Variants in UNC13C observed in about 807,000 individuals in gnomAD.
UNC13C encodes protein unc-13 homolog C.
In UNC13C, 174 loss-of-function variants were observed where a neutral mutation model predicts 245.4. That is an observed-to-expected ratio of 0.71 (90% CI 0.63 to 0.80). UNC13C has a LOEUF of 0.80. Ranked by LOEUF, UNC13C falls within the 30% of genes least tolerant of loss-of-function variation. UNC13C has a pLI of 0.00. For missense variants in UNC13C, 2,829 were observed against 2,602.9 expected, an observed-to-expected ratio of 1.09 and a Z score of -1.89; for synonymous variants, 992 against 895.1, an observed-to-expected ratio of 1.11 and a Z score of -1.93.
chr15:54,104,326 T>A lies in UNC13C; in HGVS notation c.2984-38692T>A, dbSNP rs535737993. 7.2e-5 allele frequency among the ~76,000 whole-genome samples: 11 copies of A among 152,268 alleles called. No homozygotes were observed. In the South Asian group the frequency reaches 2.1e-3, roughly 29 times the overall value. ...AATAAGAAAACCACTTTTTCATCCTTTTTTTCCCTTGGAGAATATTCATGT... is the reference window on the plus strand; with the variant it reads ...AATAAGAAAACCACTTTTTCATCCTATTTTTCCCTTGGAGAATATTCATGT... On this transcript the variant is annotated intron_variant, in intron 2 of 32. Transcript: ENST00000260323.
At chr15:54,401,399 ACTC>A (rs1469351090) in intron 18 of UNC13C, among the ~76,000 whole-genome samples, 3 of 151,994 alleles carry the variant, frequency 2.0e-5, no homozygotes, top group East Asian at 1.9e-4. Flanking sequence ...CTGTGATTAA[ACTC>A]CTCCTACACA....
intron 4 of UNC13C, among the ~76,000 whole-genome samples, chr15:54,155,439 G>C (rs1567054636): frequency 6.6e-6 from 1 of 152,072 alleles, no homozygotes; most frequent in African/African-American, 2.4e-5. Context: ...TGGAAATGAG[G>C]CTCTGTTTTC....
At chr15:54,088,115 C>T (rs756475251) in intron 2 of UNC13C, among the ~76,000 whole-genome samples, 5 of 151,280 alleles carry the variant, frequency 3.3e-5, no homozygotes, top group South Asian at 2.1e-4. Context: ...AAAATTGCCT[C>T]CTATATTTTT....
chr15:54,322,796 G>A (rs943450925), intron 14 of UNC13C, among the ~76,000 whole-genome samples: 41 of 152,098 alleles, frequency 2.7e-4, no homozygotes, highest in African/African-American at 9.1e-4. Context: ...GTAAGAGTCA[G>A]AATTAAAAAT....
At chr15:54,448,422 G>T (rs1476931208) in intron 19 of UNC13C, among the ~76,000 whole-genome samples, 2 of 152,126 alleles carry the variant, frequency 1.3e-5, no homozygotes, top group African/African-American at 2.4e-5. Context: ...TCTCTTTGTA[G>T]GTCCCTAAGG....
At chr15:54,206,160 A>T (rs2034701274) in intron 4 of UNC13C, among the ~76,000 whole-genome samples, 1 of 152,056 alleles carries the variant, frequency 6.6e-6, no homozygotes, top group Non-Finnish European at 1.5e-5. Flanking sequence ...ACAAAAACTC[A>T]GAAATTACCT....
intron 17 of UNC13C, among the ~76,000 whole-genome samples, chr15:54,345,744 A>G (rs1191637953): frequency 6.6e-6 from 1 of 152,164 alleles, no homozygotes; most frequent in African/African-American, 2.4e-5. Context: ...TATCCTATTT[A>G]TAACTCTGGA....
Position 54,059,485 on chromosome 15 carries a change from A to G in UNC13C, c.2983+43599A>G, listed in dbSNP as rs557163735. On this transcript the variant is annotated intron_variant, in intron 2 of 32. Coordinates refer to ENST00000260323, the MANE Select transcript of UNC13C (RefSeq NM_001080534.3). Reference sequence around the variant, plus strand: ...AAAGAGGATACAAACAAATGGAAGAACATTCCATGCTCATGGGTAGGAAGA... The same window carrying G: ...AAAGAGGATACAAACAAATGGAAGAGCATTCCATGCTCATGGGTAGGAAGA... 3.9e-5 allele frequency among the ~76,000 whole-genome samples: 6 copies of G among 152,278 alleles called. No homozygotes were observed. In the South Asian group the frequency reaches 1.0e-3, roughly 26 times the overall value.
At chr15:54,190,949 TTG>T (rs1490590591) in intron 4 of UNC13C, among the ~76,000 whole-genome samples, 1 of 152,182 alleles carries the variant, frequency 6.6e-6, no homozygotes, top group Non-Finnish European at 1.5e-5. Context: ...CATCTCATTT[TTG>T]AGACATTATG....
intron 17 of UNC13C, among the ~76,000 whole-genome samples, chr15:54,356,326 A>G (rs1266646401): frequency 1.3e-5 from 2 of 152,124 alleles, no homozygotes; most frequent in African/African-American, 4.8e-5. Context: ...AAGGGGTTTT[A>G]TTAATTTTCA....
intron 2 of UNC13C, among the ~76,000 whole-genome samples, chr15:54,085,067 T>A (rs13380038): frequency 0.13 from 20,221 of 152,142 alleles, 1,438 homozygotes; most frequent in Middle Eastern, 0.21. Context: ...GACTTCTGAA[T>A]GTTAATTATG....
At chr15:53,839,297 A>T in the UNC13C span, among the ~76,000 whole-genome samples, 1 of 152,100 alleles carries the variant, frequency 6.6e-6, no homozygotes. Flanking sequence ...AACAAGATGA[A>T]CAGGATGAAA....
chr15:54,379,839 G>A (rs1200972361), intron 17 of UNC13C, among the ~76,000 whole-genome samples: 3 of 152,142 alleles, frequency 2.0e-5, no homozygotes. Flanking sequence ...TTTGGTATGG[G>A]TTTTAAAATT....
At chr15:54,380,822 A>G (rs978786339) in intron 17 of UNC13C, among the ~76,000 whole-genome samples, 18 of 151,966 alleles carry the variant, frequency 1.2e-4, no homozygotes, top group South Asian at 6.2e-4. Context: ...TTTCCTTGCT[A>G]TTGAGTTGTT....
At chr15:54,243,133 C>T (rs1249554838) in intron 7 of UNC13C, among the ~76,000 whole-genome samples, 1 of 150,388 alleles carries the variant, frequency 6.6e-6, no homozygotes, top group East Asian at 2.0e-4. Context: ...GCTCTCCCTC[C>T]TCCCACCCCC....
intron 19 of UNC13C, 64 bp from the exon 20 acceptor site, chr15:54,494,544 T>C (rs1893864773): frequency 1.5e-6 from 2 of 1,378,240 alleles, no homozygotes; most frequent in Non-Finnish European, 1.9e-6. Flanking sequence ...TAAAAATAGA[T>C]TGGAACATAG....
chr15:53,861,266 T>A, the UNC13C span, among the ~76,000 whole-genome samples: 1 of 152,158 alleles, frequency 6.6e-6, no homozygotes, highest in African/African-American at 2.4e-5. Flanking sequence ...TACTTGGGTA[T>A]AGTTATCTAA....
the UNC13C span, among the ~76,000 whole-genome samples, chr15:53,872,042 G>A: frequency 3.8e-4 from 58 of 152,296 alleles, no homozygotes; most frequent in African/African-American, 1.4e-3. Context: ...CTATTATGAT[G>A]TGTTGAAATG....
At chr15:54,324,650 C>CT (rs2038247078) in intron 14 of UNC13C, among the ~76,000 whole-genome samples, 2 of 150,132 alleles carry the variant, frequency 1.3e-5, no homozygotes, top group African/African-American at 4.9e-5. Flanking sequence ...GACCCTGTCT[C>CT]TAAAAAAAAA....
Sources: allele counts gnomAD v4.1 joint callset (sites outside exome capture counted in the v4.1 genomes callset), GRCh38; gene constraint gnomAD v4.1.1; transcripts MANE v1.5; gene names NCBI Gene and HGNC (gene_info 2026-07-23, HGNC 2026-07-21).